Variants in MID2 observed in about 807,000 individuals in gnomAD.
MID2 encodes probable E3 ubiquitin-protein ligase MID2.
Under a neutral mutation model 46.1 loss-of-function variants are expected in MID2, and 13 were observed. That is an observed-to-expected ratio of 0.28 (90% CI 0.18 to 0.45). The LOEUF is 0.45. Ranked by LOEUF, MID2 falls within the 20% of genes least tolerant of loss-of-function variation. The pLI, the probability that MID2 is intolerant of heterozygous loss-of-function variation, is 1.00. For missense variants in MID2, 431 were observed against 575.4 expected (o/e 0.75, Z 2.57); for synonymous variants, 199 against 212.3 (o/e 0.94, Z 0.55).
intron 3 of MID2, among the ~76,000 whole-genome samples, chrX:107,856,614 C>T (rs1341226823): frequency 8.9e-6 from 1 of 111,792 alleles, no homozygotes; most frequent in African/African-American, 3.3e-5. Context: ...CCTTTCCCAG[C>T]CCATCCTGCC....
chrX:107,891,618 C>T (rs1932606754), intron 3 of MID2, among the ~76,000 whole-genome samples: 1 of 111,734 alleles, frequency 8.9e-6, no homozygotes, highest in Admixed American at 9.4e-5. Context: ...GGGTTTTCCC[C>T]GTAGAAACCC....
chrX:107,878,772 C>T (rs961603522), intron 3 of MID2, among the ~76,000 whole-genome samples: 2 of 112,183 alleles, frequency 1.8e-5, no homozygotes, highest in Non-Finnish European at 3.8e-5. Flanking sequence ...CATCCTGCCC[C>T]CTGCAAGTGG....
intron 7 of MID2, 26 bp from the exon 8 acceptor site, chrX:107,924,317 T>C: frequency 8.4e-7 from 1 of 1,187,171 alleles, no homozygotes; most frequent in Non-Finnish European, 1.1e-6. Flanking sequence ...TGCTGGTTAA[T>C]GTCCTTGTCT....
chrX:107,914,390 G>A (rs1347718787), intron 5 of MID2, among the ~76,000 whole-genome samples: 2 of 112,470 alleles, frequency 1.8e-5, no homozygotes, highest in African/African-American at 6.5e-5. Flanking sequence ...ATTCATGTGA[G>A]ACCTTATGAT....
chrX:107,860,321 G>A (rs1190250681), intron 3 of MID2, among the ~76,000 whole-genome samples: 1 of 112,153 alleles, frequency 8.9e-6, no homozygotes, highest in Non-Finnish European at 1.9e-5. Context: ...CCTTTAACTA[G>A]GTTAAGAAAT....
intron 1 of MID2, among the ~76,000 whole-genome samples, chrX:107,830,802 A>G (rs1931074331): frequency 1.8e-5 from 2 of 111,764 alleles, no homozygotes; most frequent in Non-Finnish European, 3.8e-5. Context: ...TTGTACAGAT[A>G]GCTAATCTAC....
intron 1 of MID2, among the ~76,000 whole-genome samples, chrX:107,836,279 G>A (rs779865881): frequency 6.5e-5 from 7 of 108,454 alleles, no homozygotes; most frequent in East Asian, 2.9e-4. Flanking sequence ...TTTTTGAGAC[G>A]GAGCCTCGCT....
chrX:107,921,814 A>C (rs1231899517), intron 7 of MID2, among the ~76,000 whole-genome samples: 13 of 111,283 alleles, frequency 1.2e-4, no homozygotes, highest in African/African-American at 4.3e-4. Context: ...TCCTTATAAT[A>C]TTCCCCCATC....
intron 3 of MID2, 102 bp from the exon 4 acceptor site, chrX:107,903,856 A>G: frequency 1.9e-6 from 1 of 537,467 alleles, no homozygotes; most frequent in Non-Finnish European, 3.3e-6. Flanking sequence ...TGAGGGAGGT[A>G]TGGAAGAAGT....
chrX:107,841,260 G>A lies in MID2; in HGVS notation c.595G>A (p.Glu199Lys). 1 of 1,211,349 alleles carries A rather than the reference G, an allele frequency of 8.3e-7. No homozygotes were observed. The highest frequency in any genetic ancestry group is 1.1e-6 in the Non-Finnish European group (1 of 895,248). The change falls in exon 2 of 10, where the codon GAG (glutamate) becomes AAG (lysine). Residue 199 changes from glutamate to lysine, a missense_variant. By Grantham distance (56) the Glu-to-Lys change is moderately conservative. Coordinates refer to ENST00000262843, the MANE Select transcript of MID2 (RefSeq NM_012216.4). ...HLRGITCLDHENEKVNMYCVS... is the reference protein window; with the variant it reads ...HLRGITCLDHKNEKVNMYCVS... ...TCGAGGGATCACCTGCCTGGACCAT[G>A]AGAATGAGAAAGTGAACATGTACTG...
chrX:107,852,709 T>C (rs1173305448), intron 2 of MID2, among the ~76,000 whole-genome samples: 1 of 111,723 alleles, frequency 9.0e-6, no homozygotes, highest in East Asian at 2.8e-4. Flanking sequence ...CACGTGTATC[T>C]ATGTGAATAT....
chrX:107,897,318 C>T (rs891711064), intron 3 of MID2, among the ~76,000 whole-genome samples: 14 of 111,653 alleles, frequency 1.3e-4, no homozygotes, highest in African/African-American at 4.6e-4. Context: ...AAAAAAATTA[C>T]ACACTGAAGC....
intron 3 of MID2, among the ~76,000 whole-genome samples, chrX:107,888,045 A>G (rs1287721955): frequency 9.0e-6 from 1 of 111,542 alleles, no homozygotes; most frequent in Non-Finnish European, 1.9e-5. Flanking sequence ...CTAGTGGTCT[A>G]TCAATTTTGT....
intron 5 of MID2, among the ~76,000 whole-genome samples, chrX:107,910,266 C>T (rs1001654101): frequency 9.0e-6 from 1 of 111,658 alleles, no homozygotes; most frequent in Admixed American, 9.5e-5. Context: ...TCTTTCTGTG[C>T]CTGGCTTATT....
In MID2 at chrX:107,930,918, C is replaced by A. The variant is rs769866870; in HGVS notation, c.*3845C>A. 4.5e-5 allele frequency among the ~76,000 whole-genome samples: 5 copies of A among 112,122 alleles called. No individual in the cohort carries two copies. Among genetic ancestry groups the A allele is most frequent in the Non-Finnish European group, 7.5e-5 (4 of 53,135 alleles). The stretch of plus-strand genomic sequence containing the variant: ...TTATTGAAGAAAGCACAAAAATAAT[C>A]AAAAATAAAGTAAAACCTGTTTTGA... On this transcript the variant is annotated 3_prime_UTR_variant, in exon 10 of 10. Transcript: ENST00000262843.
chrX:107,852,966 G>A (rs898719761), intron 2 of MID2, among the ~76,000 whole-genome samples: 1 of 111,466 alleles, frequency 9.0e-6, no homozygotes, highest in Admixed American at 9.5e-5. Flanking sequence ...AGTAAGTTGG[G>A]GTATTACATT....
intron 1 of MID2, among the ~76,000 whole-genome samples, chrX:107,831,730 C>T (rs1346908591): frequency 1.8e-5 from 2 of 111,379 alleles, no homozygotes; most frequent in African/African-American, 6.5e-5. Context: ...CCAGGTGAAC[C>T]ACTGAACATT....
chrX:107,847,947 G>A (rs1014223856), intron 2 of MID2, among the ~76,000 whole-genome samples: 2 of 111,549 alleles, frequency 1.8e-5, no homozygotes, highest in African/African-American at 6.5e-5. Context: ...GGCAGGGAAG[G>A]GGAGTGCTCT....
intron 8 of MID2, among the ~76,000 whole-genome samples, chrX:107,924,830 A>G (rs1417891364): frequency 2.7e-5 from 3 of 112,670 alleles, no homozygotes; most frequent in Non-Finnish European, 5.6e-5. Flanking sequence ...CAGAGAAGCC[A>G]TATCTGTTAG....
Sources: gnomAD v4.1 joint callset for allele counts (sites outside exome capture counted in the v4.1 genomes callset) on GRCh38, gnomAD v4.1.1 for gene constraint, MANE v1.5 for transcripts, NCBI Gene and HGNC (gene_info 2026-07-23, HGNC 2026-07-21) for gene names.